The following ACER3 variants were observed in gnomAD, a reference collection of about 807,000 sequenced individuals.
ACER3 encodes the protein alkaline ceramidase 3.
ACER3 carries 16 observed loss-of-function variants against 48.9 expected under a neutral mutation model. That is an observed-to-expected ratio of 0.33 (90% CI 0.22 to 0.50). The LOEUF is 0.50. ACER3 is among the 20% of genes least tolerant of loss of function. ACER3 has a pLI of 0.98. For synonymous variants in ACER3, 109 were observed against 107.8 expected (o/e 1.01, Z -0.07); for missense variants, 227 against 326.0 (o/e 0.70, Z 2.34).
At chr11:76,974,083 C>A (rs554579828) in intron 3 of ACER3, among the ~76,000 whole-genome samples, 95 of 152,324 alleles carry the variant, frequency 6.2e-4, no homozygotes, top group African/African-American at 2.1e-3. Flanking sequence ...ACTTATATAT[C>A]TATTCTTATG....
In ACER3 at chr11:77,024,769, G is replaced by T. The variant is rs1249584749; in HGVS notation, c.*4442G>T. 1 of 152,152 alleles carries T rather than the reference G, an allele frequency of 6.6e-6. No homozygotes were observed. The highest frequency in any genetic ancestry group is 1.5e-5 in the Non-Finnish European group (1 of 68,030). 9.4% of individuals were successfully genotyped at this position (152,152 alleles called of 1,614,324 possible). On this transcript the variant is annotated 3_prime_UTR_variant, in exon 11 of 11. Transcript: ENST00000532485. ...TAAATAACAAATATTATTTCTCAAG[G>T]TCTTCATTTTATCATTAAATTCAGC...
intron 7 of ACER3, among the ~76,000 whole-genome samples, chr11:77,012,474 G>A (rs1949289672): frequency 6.9e-6 from 1 of 145,572 alleles, no homozygotes; most frequent in Admixed American, 6.8e-5. Context: ...ATTTAGCAGA[G>A]TCACAAGATT....
chr11:77,002,415 A>C (rs782599577), intron 7 of ACER3, among the ~76,000 whole-genome samples: 3 of 152,186 alleles, frequency 2.0e-5, no homozygotes, highest in Non-Finnish European at 2.9e-5. Flanking sequence ...ATTAATTGAT[A>C]TGGGAATATT....
intron 8 of ACER3, 22 bp downstream of exon 8, chr11:77,015,139 T>A (rs1949344077): frequency 1.5e-6 from 2 of 1,308,368 alleles, no homozygotes; most frequent in African/African-American, 2.9e-5. Context: ...TTTCATTCCT[T>A]CAGAAATATT....
At chr11:76,995,121 A>G (rs1277262905) in intron 6 of ACER3, among the ~76,000 whole-genome samples, 1 of 152,206 alleles carries the variant, frequency 6.6e-6, no homozygotes, top group Non-Finnish European at 1.5e-5. Context: ...GTATACATAC[A>G]TGCTAGAAGG....
intron 3 of ACER3, among the ~76,000 whole-genome samples, chr11:76,965,388 G>T (rs1033787969): frequency 6.6e-6 from 1 of 151,362 alleles, no homozygotes; most frequent in Non-Finnish European, 1.5e-5. Flanking sequence ...CACTCTGCAG[G>T]ATATTATCCA....
intron 2 of ACER3, among the ~76,000 whole-genome samples, chr11:76,935,746 A>C (rs982057697): frequency 3.9e-5 from 6 of 152,232 alleles, no homozygotes; most frequent in Non-Finnish European, 8.8e-5. Flanking sequence ...TGCACTGTTC[A>C]ATTTAGTAGC....
At chr11:77,012,660 A>G (rs552452997) in intron 7 of ACER3, among the ~76,000 whole-genome samples, 4 of 152,298 alleles carry the variant, frequency 2.6e-5, no homozygotes, top group South Asian at 2.1e-4. Flanking sequence ...TGTTGAGAGA[A>G]ATTGAAGAGC....
At chr11:77,005,981 ATATATATATATTTTTT>A (rs1411377987) in intron 7 of ACER3, among the ~76,000 whole-genome samples, 1 of 32,390 alleles carries the variant, frequency 3.1e-5, no homozygotes, top group Non-Finnish European at 1.2e-4. Flanking sequence ...ACATATATAT[ATATATATATATTTTTT>A]TTTTTTTTTG....
chr11:76,890,944 C>G (rs753461828), intron 1 of ACER3, among the ~76,000 whole-genome samples: 75 of 151,762 alleles, frequency 4.9e-4, no homozygotes, highest in Admixed American at 1.8e-3. Flanking sequence ...ATGACAAAAC[C>G]CTGTCTCTAC....
At chr11:77,019,803 G>T (rs1555024050) in intron 10 of ACER3, 27 bp downstream of exon 10, 1 of 1,609,268 alleles carries the variant, frequency 6.2e-7, no homozygotes, top group Non-Finnish European at 8.5e-7. Flanking sequence ...GGTCCTGTGT[G>T]TGTGTTGGGG....
At chr11:76,877,309 G>GC in intron 1 of ACER3, among the ~76,000 whole-genome samples, 1 of 152,082 alleles carries the variant, frequency 6.6e-6, no homozygotes, top group East Asian at 1.9e-4. Context: ...GCTTTTAACA[G>GC]CAAGTAGAAG....
chr11:77,016,753 T>C lies in ACER3; in HGVS notation c.678T>C (p.Leu226=). The change falls in exon 9 of 11, where the codon CTT becomes CTC. Residue 226 remains leucine (L), a synonymous_variant. Transcript: ENST00000532485. ...CATGGTGGCATATTTTAACTGGCCT[T>C]GGTTCCTATCTTCACATCCTTTTCA... ...FHAWWHILTG[L]GSYLHILFSL... The C allele has an allele frequency of 6.3e-7, 1 of 1,597,266 alleles. No individual in the cohort carries two copies. The highest frequency in any genetic ancestry group is 8.6e-7 in the Non-Finnish European group (1 of 1,169,234).
At chr11:76,920,740 G>A (rs1024866098) in intron 1 of ACER3, among the ~76,000 whole-genome samples, 3 of 150,990 alleles carry the variant, frequency 2.0e-5, no homozygotes, top group Non-Finnish European at 2.9e-5. Context: ...AGGCTCAAGC[G>A]ATCCTCCCAC....
At chr11:76,936,652 A>T (rs976838598) in intron 2 of ACER3, among the ~76,000 whole-genome samples, 1 of 152,110 alleles carries the variant, frequency 6.6e-6, no homozygotes, top group African/African-American at 2.4e-5. Context: ...AAAAGGCCAC[A>T]TGGTAAAAAT....
At chr11:77,007,697 C>G (rs1360629647) in intron 7 of ACER3, among the ~76,000 whole-genome samples, 1 of 152,172 alleles carries the variant, frequency 6.6e-6, no homozygotes, top group African/African-American at 2.4e-5. Context: ...CCAAGCTCCT[C>G]ACATGGTCTC....
At chr11:77,016,016 A>C (rs1359680457) in intron 8 of ACER3, among the ~76,000 whole-genome samples, 2 of 151,486 alleles carry the variant, frequency 1.3e-5, no homozygotes, top group Non-Finnish European at 2.9e-5. Context: ...CTGAGGCAGG[A>C]GAATCGCTTG....
intron 1 of ACER3, among the ~76,000 whole-genome samples, chr11:76,912,591 G>A (rs577369170): frequency 3.6e-4 from 54 of 151,980 alleles, no homozygotes; most frequent in Middle Eastern, 6.8e-3. Context: ...AGAAGACAAT[G>A]ACATATTGTT....
chr11:76,991,011 G>A (rs181018263), intron 6 of ACER3, among the ~76,000 whole-genome samples: 3 of 152,170 alleles, frequency 2.0e-5, no homozygotes, highest in East Asian at 3.8e-4. Flanking sequence ...AAACTTTATT[G>A]TAGGAAATGG....
Sources: gnomAD v4.1 joint callset for allele counts (sites outside exome capture counted in the v4.1 genomes callset) on GRCh38, gnomAD v4.1.1 for gene constraint, MANE v1.5 for transcripts, NCBI Gene and HGNC (gene_info 2026-07-23, HGNC 2026-07-21) for gene names.